MPZL1: variants seen among roughly 807,000 people sequenced by gnomAD.
The protein encoded by MPZL1 is myelin protein zero like 1.
Under a neutral mutation model 29.3 loss-of-function variants are expected in MPZL1, and 16 were observed. The ratio of observed to expected loss-of-function variants is 0.55; its 90% CI spans 0.37 to 0.83. The LOEUF is 0.83. MPZL1 is among the 40% of genes least tolerant of loss of function. The pLI is 0.00. For synonymous variants in MPZL1, 143 were observed against 132.0 expected (o/e 1.08, Z -0.57); for missense variants, 279 against 332.9 (o/e 0.84, Z 1.26).
intron 1 of MPZL1, among the ~76,000 whole-genome samples, chr1:167,735,910 A>T (rs974233480): frequency 6.6e-6 from 1 of 152,298 alleles, no homozygotes; most frequent in East Asian, 1.9e-4. Flanking sequence ...GTTTCCCATG[A>T]TTGTAAACAA....
chr1:167,757,319 T>TA (rs1660888948), intron 1 of MPZL1, among the ~76,000 whole-genome samples: 1 of 152,254 alleles, frequency 6.6e-6, no homozygotes, highest in Non-Finnish European at 1.5e-5. Context: ...GAGGGAATCG[T>TA]GTGGAATTTT....
rs111960806 is a variant in MPZL1 at position 167,772,656 on chromosome 1, G to T, written c.472+168G>T. ...GCTCTACCAAACACACTTGGAGCTG[G>T]GAAACTTGTTGCTCATTCTGACCCA... On this transcript the variant is annotated intron_variant, in intron 3 of 5. Coordinates refer to ENST00000359523, the MANE Select transcript of MPZL1 (RefSeq NM_003953.6). Among the ~76,000 whole-genome samples, 505 of 152,252 alleles carry T rather than the reference G, an allele frequency of 3.3e-3. 3 individuals are homozygous for T. Among genetic ancestry groups the T allele is most frequent in the African/African-American group, 0.011 (477 of 41,526 alleles).
intron 1 of MPZL1, among the ~76,000 whole-genome samples, chr1:167,741,179 G>T (rs752801289): frequency 6.9e-6 from 1 of 145,818 alleles, no homozygotes; most frequent in Non-Finnish European, 1.5e-5. Flanking sequence ...ACCACGCCTG[G>T]CTAATTTTTT....
At chr1:167,747,073 TAGAGGAAGAAA>T (rs1471865769) in intron 1 of MPZL1, among the ~76,000 whole-genome samples, 2 of 152,168 alleles carry the variant, frequency 1.3e-5, no homozygotes, top group Non-Finnish European at 1.5e-5. Context: ...AATTATACAA[TAGAGGAAGAAA>T]ACTGCAAATA....
intron 1 of MPZL1, among the ~76,000 whole-genome samples, chr1:167,729,720 C>T (rs1436174219): frequency 6.6e-6 from 1 of 152,166 alleles, no homozygotes; most frequent in African/African-American, 2.4e-5. Flanking sequence ...TTTCTTAGCC[C>T]TTAGAAGTTA....
rs1316207247 is a variant in MPZL1 at position 167,789,238 on chromosome 1, G to A, written c.*1317G>A. 2.0e-5 allele frequency: 3 copies of A among 152,116 alleles called. No homozygotes were observed. Among genetic ancestry groups the A allele is most frequent in the Non-Finnish European group, 4.4e-5 (3 of 68,030 alleles). 9.4% of individuals were successfully genotyped at this position (152,116 alleles called of 1,614,324 possible). A position where few individuals can be genotyped will look rare whatever the true frequency, so the allele number is the denominator to read the frequency against. ...CTTTTTACTGGGAATGGAAAGTGTG[G>A]TGAAGATCATTCAACACTTATGTTG... On this transcript the variant is annotated 3_prime_UTR_variant, in exon 6 of 6. Transcript: ENST00000359523.
At chr1:167,735,774 A>G (rs1267444381) in intron 1 of MPZL1, among the ~76,000 whole-genome samples, 1 of 152,238 alleles carries the variant, frequency 6.6e-6, no homozygotes, top group Non-Finnish European at 1.5e-5. Context: ...CACCTACATT[A>G]TAATGGAGGG....
At chr1:167,735,493 C>CGT (rs763923119) in intron 1 of MPZL1, among the ~76,000 whole-genome samples, 109 of 151,942 alleles carry the variant, frequency 7.2e-4, no homozygotes, top group Middle Eastern at 6.8e-3. Context: ...GCAAGATGTG[C>CGT]ATGTGTGTGT....
intron 1 of MPZL1, among the ~76,000 whole-genome samples, chr1:167,748,100 A>G (rs1660684113): frequency 6.6e-6 from 1 of 152,162 alleles, no homozygotes; most frequent in African/African-American, 2.4e-5. Context: ...TTGTATGAAT[A>G]TACCACATTT....
At chr1:167,761,081 A>C (rs1436914662) in intron 1 of MPZL1, among the ~76,000 whole-genome samples, 1 of 152,230 alleles carries the variant, frequency 6.6e-6, no homozygotes. Context: ...ATTCCTTAAC[A>C]AAAACAGTTT....
intron 5 of MPZL1, among the ~76,000 whole-genome samples, chr1:167,777,145 T>A (rs1475422688): frequency 6.6e-6 from 1 of 152,210 alleles, no homozygotes; most frequent in Non-Finnish European, 1.5e-5. Context: ...ACATAATATA[T>A]GTCAGATACC....
At chr1:167,764,669 T>C (rs1323834106) in intron 1 of MPZL1, among the ~76,000 whole-genome samples, 11 of 152,256 alleles carry the variant, frequency 7.2e-5, no homozygotes, top group Admixed American at 7.2e-4. Context: ...CAGATAAGCA[T>C]GAGAACTACT....
At position 167,790,898 on chromosome 1, in the gene MPZL1, G is replaced by A. The variant is rs940237536; in HGVS notation, c.*2977G>A. 1 of 152,124 alleles carries A rather than the reference G, an allele frequency of 6.6e-6. No homozygotes were observed. The highest frequency in any genetic ancestry group is 1.5e-5 in the Non-Finnish European group (1 of 68,036). 9.4% of individuals were successfully genotyped at this position (152,124 alleles called of 1,614,324 possible). ...CACTCATATCATTCCAGCTACACCT[G>A]CCTTCTTTTCTTCAAAAATGCCGTC... On this transcript the variant is annotated 3_prime_UTR_variant, in exon 6 of 6. Transcript: ENST00000359523.
At position 167,722,332 on chromosome 1, in the gene MPZL1, C is replaced by G. The variant is rs574939733; in HGVS notation, c.91+90C>G. On this transcript the variant is annotated intron_variant, in intron 1 of 5. Transcript: ENST00000359523. Reference sequence around the variant, plus strand: ...TCGCGGCGGTCGCAGGCCAGGCGCGCGCACTGAGAGCCGAGGTGGGGAGGG... The same window carrying G: ...TCGCGGCGGTCGCAGGCCAGGCGCGGGCACTGAGAGCCGAGGTGGGGAGGG... The G allele has an allele frequency of 2.6e-3, 3,173 of 1,227,590 alleles. 89 individuals are homozygous for G. The African/African-American group carries it at 0.044, about 17-fold the overall frequency. The allele number at this position is 1,227,590 out of a possible 1,614,324, so 76.0% of individuals were successfully genotyped here.
At position 167,789,265 on chromosome 1, in the gene MPZL1, C is replaced by A. The variant is rs1248455409; in HGVS notation, c.*1344C>A. On this transcript the variant is annotated 3_prime_UTR_variant, in exon 6 of 6. Transcript: ENST00000359523. ...GAAGATCATTCAACACTTATGTTGT[C>A]ATTTCTCCCATTTTCTGAATTTTTT... The A allele has an allele frequency of 1.3e-5, 2 of 152,130 alleles. No individual in the cohort carries two copies. Among genetic ancestry groups the A allele is most frequent in the Non-Finnish European group, 2.9e-5 (2 of 68,022 alleles). The allele number at this position is 152,130 out of a possible 1,614,324, so 9.4% of individuals were successfully genotyped here.
intron 1 of MPZL1, among the ~76,000 whole-genome samples, chr1:167,763,407 T>G (rs1301842054): frequency 6.6e-6 from 1 of 151,042 alleles, no homozygotes; most frequent in Non-Finnish European, 1.5e-5. Context: ...TCCCAGCTAC[T>G]CGGGAGGCTG....
rs1312649895 is a variant in MPZL1 at position 167,773,336 on chromosome 1, T to C, written c.573T>C (p.Tyr191=). 1 of 1,614,060 alleles carries C rather than the reference T, an allele frequency of 6.2e-7. No homozygotes were observed. The highest frequency in any genetic ancestry group is 1.7e-5 in the Admixed American group (1 of 60,024). ...TCAGCATGATTCTGGCTGTCCTCTATAGAAGGAAAAACTCTAAACGGGATT... is the reference window on the plus strand; with the variant it reads ...TCAGCATGATTCTGGCTGTCCTCTACAGAAGGAAAAACTCTAAACGGGATT... The part of the protein sequence containing the change: ...LLISMILAVL[Y]RRKNSKRDYT... Residue 191 remains tyrosine, a synonymous_variant, in exon 4 of 6, where the codon TAT becomes TAC. Coordinates refer to ENST00000359523, the MANE Select transcript of MPZL1 (RefSeq NM_003953.6).
intron 2 of MPZL1, among the ~76,000 whole-genome samples, chr1:167,767,004 T>G (rs1397474973): frequency 6.6e-6 from 1 of 152,210 alleles, no homozygotes; most frequent in Non-Finnish European, 1.5e-5. Flanking sequence ...TCCATGAAAT[T>G]TTAATATTGT....
At chr1:167,767,609 G>A (rs3767449) in intron 2 of MPZL1, among the ~76,000 whole-genome samples, 2,603 of 152,248 alleles carry the variant, frequency 0.017, 75 homozygotes, top group African/African-American at 0.058. Flanking sequence ...ATTCCAAAAT[G>A]TCGGGACACA....
Sources: gnomAD v4.1 joint callset for allele counts (sites outside exome capture counted in the v4.1 genomes callset) on GRCh38, gnomAD v4.1.1 for gene constraint, MANE v1.5 for transcripts, NCBI Gene and HGNC (gene_info 2026-07-23, HGNC 2026-07-21) for gene names.